Variants in ARHGEF12 observed in about 807,000 individuals in gnomAD.
ARHGEF12 encodes the protein KMT2A/ARHGEF12 fusion protein.
Under a neutral mutation model 211.2 loss-of-function variants are expected in ARHGEF12, and 66 were observed. That is an observed-to-expected ratio of 0.31 (90% confidence interval 0.26 to 0.38). The LOEUF (loss-of-function observed/expected upper bound fraction) is 0.38. ARHGEF12 is among the 10% of genes least tolerant of loss of function. The probability of loss-of-function intolerance (pLI) is 1.00; values close to 1 mark genes in which losing one functional copy is unlikely to be tolerated. For missense variants in ARHGEF12, 1,429 were observed against 1,869.5 expected, an observed-to-expected ratio of 0.76 and a Z score of 4.34; for synonymous variants, 592 against 638.4, an observed-to-expected ratio of 0.93 and a Z score of 1.09.
chr11:120,438,442 C>G (rs765640270), intron 12 of ARHGEF12: 3 of 152,068 alleles, frequency 2.0e-5, no homozygotes, highest in African/African-American at 7.2e-5. Flanking sequence ...AGTGCCCGGC[C>G]AGTTTCACCT....
At chr11:120,384,965 T>A (rs139912625) in intron 1 of ARHGEF12, among the ~76,000 whole-genome samples, 69 of 151,562 alleles carry the variant, frequency 4.6e-4, no homozygotes, top group Middle Eastern at 6.8e-3. Flanking sequence ...AATTTTAAGG[T>A]ATTTGAGGGA....
intron 33 of ARHGEF12, among the ~76,000 whole-genome samples, chr11:120,475,792 A>G (rs1450220504): frequency 6.6e-6 from 1 of 152,130 alleles, no homozygotes; most frequent in African/African-American, 2.4e-5. Context: ...AAAGCCTTTC[A>G]TTTAGGGTGG....
In ARHGEF12 at chr11:120,441,071, G is replaced by A. The variant is rs537899198; in HGVS notation, c.1093-636G>A. On this transcript the variant is annotated intron_variant, in intron 13 of 40. Coordinates refer to ENST00000397843, the MANE Select transcript of ARHGEF12 (RefSeq NM_015313.3). ...ATGTTATCCCTTTTATATATTGTCG[G>A]TTTCAATTTGCCATATTTTACTGAG... is the stretch of plus-strand genomic sequence containing the variant. Among the ~76,000 whole-genome samples, 5 of 152,158 alleles carry A rather than the reference G, an allele frequency of 3.3e-5. No homozygotes were observed. The South Asian group carries it at 1.0e-3, about 32-fold the overall frequency.
At position 120,446,589 on chromosome 11, in the gene ARHGEF12, C is replaced by G. The variant is rs1019905987; in HGVS notation, c.1451+81C>G. ...TTAAGAAAAAGTTGCTCATTAAATA[C>G]TTAGCTTAGCACTAGATAAACCATA... On this transcript the variant is annotated intron_variant, in intron 17 of 40. Transcript: ENST00000397843. The G allele has an allele frequency of 4.8e-6, 5 of 1,032,418 alleles. No individual in the cohort carries two copies. In the Admixed American group the frequency reaches 6.7e-5, roughly 14 times the overall value. 64.0% of individuals were successfully genotyped at this position (1,032,418 alleles called of 1,614,324 possible).
chr11:120,477,771 C>CTA, intron 36 of ARHGEF12: 1 of 394,114 alleles, frequency 2.5e-6, no homozygotes, highest in Non-Finnish European at 4.4e-6. Context: ...GAGGCTGAGG[C>CTA]AGGGAGAATT....
At chr11:120,442,236 T>G in intron 15 of ARHGEF12, 34 bp downstream of exon 15, 2 of 1,513,804 alleles carry the variant, frequency 1.3e-6, no homozygotes, top group Non-Finnish European at 1.8e-6. Flanking sequence ...AATCTTTGCC[T>G]TAGTACATGG....
At chr11:120,474,294 TATC>T (rs1161399043) in intron 31 of ARHGEF12, among the ~76,000 whole-genome samples, 1 of 152,250 alleles carries the variant, frequency 6.6e-6, no homozygotes, top group Non-Finnish European at 1.5e-5. Flanking sequence ...CATAATCTGT[TATC>T]ATCTGTTTAG....
Position 120,480,333 on chromosome 11 carries a change from C to G in ARHGEF12, c.4140C>G (p.His1380Gln), listed in dbSNP as rs767724352. 2.5e-6 allele frequency: 4 copies of G among 1,614,130 alleles called. No individual in the cohort carries two copies. In the East Asian group the frequency reaches 6.7e-5, roughly 27 times the overall value. ...GGGGTCTTGATGACAGTGGAGAGCA[C>G]TTTTTTGATGCCCGTGAAGCACATA... The part of the protein sequence containing the change: ...PEGGLDDSGE[H>Q]FFDAREAHSD... Residue 1380 changes from histidine to glutamine, a missense_variant, in exon 38 of 41, where the codon CAC (histidine) becomes CAG (glutamine). Coordinates refer to ENST00000397843, the MANE Select transcript of ARHGEF12 (RefSeq NM_015313.3).
At chr11:120,357,399 G>T (rs906159127) in intron 1 of ARHGEF12, among the ~76,000 whole-genome samples, 1 of 152,218 alleles carries the variant, frequency 6.6e-6, no homozygotes, top group Admixed American at 6.5e-5. Context: ...AATAGAGGAA[G>T]ATAGAGAACT....
At chr11:120,366,156 T>C (rs1943415222) in intron 1 of ARHGEF12, among the ~76,000 whole-genome samples, 1 of 152,138 alleles carries the variant, frequency 6.6e-6, no homozygotes, top group African/African-American at 2.4e-5. Context: ...TTTGGGAGGC[T>C]GAGGTGGAAG....
At chr11:120,422,923 TA>T (rs1195319122) in intron 6 of ARHGEF12, among the ~76,000 whole-genome samples, 1 of 152,214 alleles carries the variant, frequency 6.6e-6, no homozygotes, top group East Asian at 1.9e-4. Flanking sequence ...AACTATTCTT[TA>T]AATAATTGAC....
At chr11:120,372,025 C>T (rs1034646320) in intron 1 of ARHGEF12, among the ~76,000 whole-genome samples, 7 of 152,202 alleles carry the variant, frequency 4.6e-5, no homozygotes, top group Non-Finnish European at 8.8e-5. Flanking sequence ...ATTTAGATAG[C>T]TTATGATCTA....
At chr11:120,406,463 T>C (rs1466789207) in intron 2 of ARHGEF12, among the ~76,000 whole-genome samples, 3 of 152,222 alleles carry the variant, frequency 2.0e-5, no homozygotes, top group African/African-American at 4.8e-5. Context: ...AATAGAATGC[T>C]AGTTTTTGAT....
chr11:120,439,896 G>GT (rs147292611), intron 12 of ARHGEF12: 10 of 467,056 alleles, frequency 2.1e-5, no homozygotes, highest in Non-Finnish European at 3.8e-5. Flanking sequence ...AAGGGGAGTG[G>GT]TTTTTTCCCC....
chr11:120,434,564 C>T (rs947807867), intron 11 of ARHGEF12, among the ~76,000 whole-genome samples: 11 of 152,076 alleles, frequency 7.2e-5, no homozygotes, highest in South Asian at 2.1e-4. Context: ...TACTTTGAGT[C>T]GCGGTTTTAC....
intron 1 of ARHGEF12, among the ~76,000 whole-genome samples, chr11:120,382,531 G>A (rs1943905440): frequency 6.6e-6 from 1 of 152,162 alleles, no homozygotes; most frequent in Non-Finnish European, 1.5e-5. Context: ...ATACATTTCT[G>A]CCTAGTTGTG....
In ARHGEF12 at chr11:120,406,115, C is replaced by A; in HGVS notation, c.33-3C>A. 6.5e-7 allele frequency: 1 copy of A among 1,540,866 alleles called. No individual in the cohort carries two copies. Among genetic ancestry groups the A allele is most frequent in the South Asian group, 1.2e-5 (1 of 80,630 alleles). ...ATCTATCCTTATTTTTTCTTTGTTTCAGGTTTCCCCTCAAAAAACCTATAA... is the reference window on the plus strand; with the variant it reads ...ATCTATCCTTATTTTTTCTTTGTTTAAGGTTTCCCCTCAAAAAACCTATAA... On this transcript the variant is annotated splice_polypyrimidine_tract_variant and splice_region_variant and intron_variant, in intron 1 of 40. Coordinates refer to ENST00000397843, the MANE Select transcript of ARHGEF12 (RefSeq NM_015313.3).
At chr11:120,432,489 G>T (rs1482389119) in intron 11 of ARHGEF12, among the ~76,000 whole-genome samples, 1 of 152,134 alleles carries the variant, frequency 6.6e-6, no homozygotes, top group Non-Finnish European at 1.5e-5. Context: ...TAAAAGCTAA[G>T]TTCAGTATTA....
rs1451105724 is a variant in ARHGEF12, at chr11:120,347,264, CTCTGTCTGTG to C, written c.32+9991_32+10000del. 1.6e-4 allele frequency among the ~76,000 whole-genome samples: 18 copies of C among 112,880 alleles called. No individual in the cohort carries two copies. The East Asian group carries it at 2.0e-3, about 13-fold the overall frequency. The allele number at this position is 112,880 out of a possible 152,430, so 74.1% of individuals were successfully genotyped here. A position where few individuals can be genotyped will look rare whatever the true frequency, so the allele number is the denominator to read the frequency against. Reference sequence around the variant, plus strand: ...TCTCTGTTTCTCTCTCTCTCTCTCTCTCTGTCTGTGTGTGTGTGTGTGTGTGTGTGTGTGT... The same window carrying C: ...TCTCTGTTTCTCTCTCTCTCTCTCTCTGTGTGTGTGTGTGTGTGTGTGTGT... On this transcript the variant is annotated intron_variant, in intron 1 of 40. Transcript: ENST00000397843.
Sources: allele counts gnomAD v4.1 joint callset (sites outside exome capture counted in the v4.1 genomes callset), GRCh38; gene constraint gnomAD v4.1.1; transcripts MANE v1.5; gene names NCBI Gene and HGNC (gene_info 2026-07-23, HGNC 2026-07-21).